Variants in SYNPR observed in about 807,000 individuals in gnomAD.
SYNPR encodes the protein synaptoporin.
SYNPR carries 23 observed loss-of-function variants against 32.9 expected under a neutral mutation model. The observed-to-expected ratio is 0.70, with a 90% CI of 0.50 to 0.99. The LOEUF (loss-of-function observed/expected upper bound fraction) is 0.99, where lower values mean the gene tolerates loss of function less well. Ranked by LOEUF, SYNPR falls within the 50% of genes least tolerant of loss-of-function variation. The probability of loss-of-function intolerance (pLI) is 0.00; values close to 1 mark genes in which losing one functional copy is unlikely to be tolerated. For missense variants in SYNPR, 318 were observed against 349.3 expected (o/e 0.91, Z 0.71); for synonymous variants, 146 against 135.9 (o/e 1.07, Z -0.52).
At chr3:63,506,560 T>A (rs1321082417) in intron 3 of SYNPR, among the ~76,000 whole-genome samples, 1 of 152,174 alleles carries the variant, frequency 6.6e-6, no homozygotes, top group Non-Finnish European at 1.5e-5. Context: ...ATGATGTACG[T>A]TGAAATTGTA....
chr3:63,257,444 C>T (rs7374064), intron 2 of SYNPR, among the ~76,000 whole-genome samples: 32,362 of 151,670 alleles, frequency 0.21, 4,228 homozygotes, highest in Admixed American at 0.31. Flanking sequence ...ATTTTCAACC[C>T]AGAATTTCAT....
intron 2 of SYNPR, among the ~76,000 whole-genome samples, chr3:63,316,882 C>G (rs2087048490): frequency 6.6e-6 from 1 of 151,832 alleles, no homozygotes; most frequent in Non-Finnish European, 1.5e-5. Context: ...CTATGAACTT[C>G]ACTCTTAGCA....
intron 2 of SYNPR, among the ~76,000 whole-genome samples, chr3:63,333,999 G>A (rs768694294): frequency 6.6e-6 from 1 of 152,080 alleles, no homozygotes; most frequent in Non-Finnish European, 1.5e-5. Context: ...ACCTGGTGGT[G>A]GACCATTTAA....
intron 2 of SYNPR, among the ~76,000 whole-genome samples, chr3:63,312,624 C>T (rs1475364326): frequency 1.3e-5 from 2 of 152,056 alleles, no homozygotes; most frequent in African/African-American, 4.8e-5. Flanking sequence ...TGTCTACCCA[C>T]ATGCTTTCCT....
intron 3 of SYNPR, among the ~76,000 whole-genome samples, chr3:63,491,461 T>A (rs1420987549): frequency 6.6e-6 from 1 of 152,168 alleles, no homozygotes; most frequent in Non-Finnish European, 1.5e-5. Context: ...CCCTACCTGT[T>A]TGTATATGGC....
chr3:63,374,257 T>C (rs1018649638), intron 2 of SYNPR, among the ~76,000 whole-genome samples: 1 of 152,042 alleles, frequency 6.6e-6, no homozygotes, highest in African/African-American at 2.4e-5. Context: ...TCAAGTGATG[T>C]TGAATTTTAT....
At chr3:63,274,166 T>G (rs772433495), upstream of SYNPR, among the ~76,000 whole-genome samples, 38 of 152,336 alleles carry the variant, frequency 2.5e-4, no homozygotes, top group Middle Eastern at 3.4e-3. Context: ...TGTTTCCTCC[T>G]GTATTAAGTT....
intron 4 of SYNPR, among the ~76,000 whole-genome samples, chr3:63,565,515 T>C (rs1465180132): frequency 6.6e-6 from 1 of 152,140 alleles, no homozygotes; most frequent in Non-Finnish European, 1.5e-5. Context: ...GAAGCCTCTT[T>C]TAAAAAGGCC....
intron 2 of SYNPR, among the ~76,000 whole-genome samples, chr3:63,254,772 A>G (rs1405522295): frequency 3.3e-5 from 5 of 152,184 alleles, no homozygotes; most frequent in Admixed American, 6.5e-5. Flanking sequence ...GTATTTGGAC[A>G]CAGAGTCTTT....
At chr3:63,463,743 C>G (rs1700629465) in intron 2 of SYNPR, among the ~76,000 whole-genome samples, 1 of 152,016 alleles carries the variant, frequency 6.6e-6, no homozygotes, top group African/African-American at 2.4e-5. Context: ...GCTTAAACAC[C>G]AGCCCACAGA....
chr3:63,497,752 G>A (rs990137772), intron 3 of SYNPR, among the ~76,000 whole-genome samples: 9 of 151,982 alleles, frequency 5.9e-5, no homozygotes, highest in Non-Finnish European at 1.2e-4. Flanking sequence ...TAAATATTCC[G>A]TATGGGAACA....
At chr3:63,328,858 G>T (rs2087194303) in intron 2 of SYNPR, among the ~76,000 whole-genome samples, 1 of 152,096 alleles carries the variant, frequency 6.6e-6, no homozygotes, top group African/African-American at 2.4e-5. Flanking sequence ...TGATTATAAT[G>T]TCCATGAGAG....
rs1216226969 is a variant in SYNPR, at chr3:63,556,573, C to T, written c.240C>T (p.Thr80=). ...ACCAGGTGACGTTTGAGGTGCCCAC[C>T]TGCGAGGGAAAGGAACGGCAGAAGC... ...RLHQVTFEVP[T]CEGKERQKLA... Residue 80 remains threonine (T), a synonymous_variant, in exon 4 of 6, where the codon ACC becomes ACT. Coordinates refer to ENST00000478300, the MANE Select transcript of SYNPR (RefSeq NM_001130003.2). 1 of 1,613,486 alleles carries T rather than the reference C, an allele frequency of 6.2e-7. No homozygotes were observed. Among genetic ancestry groups the T allele is most frequent in the Admixed American group, 1.7e-5 (1 of 59,960 alleles).
chr3:63,536,178 TA>T (rs1702203143), intron 3 of SYNPR, among the ~76,000 whole-genome samples: 1 of 151,942 alleles, frequency 6.6e-6, no homozygotes, highest in Non-Finnish European at 1.5e-5. Context: ...AGAAAGTGAA[TA>T]AACCATCTAC....
chr3:63,210,808 CCTT>C, the SYNPR span, among the ~76,000 whole-genome samples: 1,489 of 146,522 alleles, frequency 0.01, 21 homozygotes, highest in African/African-American at 0.038. Context: ...TTCCTTCCTT[CCTT>C]CCTTCCTTCC....
chr3:63,548,221 G>A (rs1396052591), intron 3 of SYNPR, among the ~76,000 whole-genome samples: 6 of 152,146 alleles, frequency 3.9e-5, no homozygotes, highest in Admixed American at 2.0e-4. Flanking sequence ...CTTGGAAAAC[G>A]TGGAAATGAA....
chr3:63,443,955 G>T (rs1700226411), intron 2 of SYNPR, among the ~76,000 whole-genome samples: 2 of 152,148 alleles, frequency 1.3e-5, no homozygotes, highest in South Asian at 4.1e-4. Flanking sequence ...AGGTCTTATA[G>T]CAGTATGTAG....
At chr3:63,357,555 G>T (rs775288367) in intron 2 of SYNPR, among the ~76,000 whole-genome samples, 1 of 151,978 alleles carries the variant, frequency 6.6e-6, no homozygotes, top group Non-Finnish European at 1.5e-5. Context: ...CATCTACCAG[G>T]CCACAAGAAT....
At chr3:63,393,496 C>CTTTTTTTTTTTTTTTTTTTTTTTTTT (rs71631152) in intron 2 of SYNPR, among the ~76,000 whole-genome samples, 2 of 84,508 alleles carry the variant, frequency 2.4e-5, no homozygotes, top group African/African-American at 1.1e-4. Flanking sequence ...TCTTTCTTCT[C>CTTTTTTTTTTTTTTTTTTTTTTTTTT]TTTTTTTTTT....
Sources: gnomAD v4.1 joint callset for allele counts (sites outside exome capture counted in the v4.1 genomes callset) on GRCh38, gnomAD v4.1.1 for gene constraint, MANE v1.5 for transcripts, NCBI Gene and HGNC (gene_info 2026-07-23, HGNC 2026-07-21) for gene names.